The following KLHL1 variants were observed in gnomAD, a reference collection of about 807,000 sequenced individuals.
KLHL1 encodes kelch-like protein 1.
KLHL1 carries 47 observed loss-of-function variants against 77.7 expected under a neutral mutation model. The ratio of observed to expected loss-of-function variants is 0.60; its 90% CI spans 0.48 to 0.77. KLHL1 has a LOEUF of 0.77. Among genes scored for constraint, KLHL1 ranks in the 30% least tolerant of loss-of-function variants. The pLI, the probability that KLHL1 is intolerant of heterozygous loss-of-function variation, is 0.00. For synonymous variants in KLHL1, 360 were observed against 325.2 expected (o/e 1.11, Z -1.15); for missense variants, 925 against 910.8 (o/e 1.02, Z -0.20).
chr13:69,866,049 G>C (rs1291198218), intron 5 of KLHL1, among the ~76,000 whole-genome samples: 2 of 152,008 alleles, frequency 1.3e-5, no homozygotes, highest in Admixed American at 1.3e-4. Flanking sequence ...ACTACTCATT[G>C]AAACAAGAGT....
At chr13:69,766,045 C>T (rs1875286409) in intron 7 of KLHL1, among the ~76,000 whole-genome samples, 1 of 152,226 alleles carries the variant, frequency 6.6e-6, no homozygotes, top group Non-Finnish European at 1.5e-5. Context: ...TCAGCAATCT[C>T]TATTACATGT....
chr13:70,061,137 T>A lies in KLHL1; in HGVS notation c.497+46066A>T, dbSNP rs945420298. ...TATCTCCATCCCCACCTCTATGGTATATTCTCTACTCACTTAATGTTTTAA... is the reference window on the plus strand; with the variant it reads ...TATCTCCATCCCCACCTCTATGGTAAATTCTCTACTCACTTAATGTTTTAA... On this transcript the variant is annotated intron_variant, in intron 1 of 10. Coordinates refer to ENST00000377844, the MANE Select transcript of KLHL1 (RefSeq NM_020866.3). Among the ~76,000 whole-genome samples the A allele has an allele frequency of 2.0e-5, 3 of 152,124 alleles. No individual in the cohort carries two copies. The South Asian group carries it at 6.2e-4, about 31-fold the overall frequency.
At chr13:69,874,039 T>A (rs1469350261) in intron 5 of KLHL1, among the ~76,000 whole-genome samples, 2 of 152,076 alleles carry the variant, frequency 1.3e-5, no homozygotes, top group Non-Finnish European at 2.9e-5. Flanking sequence ...GCAATCTCAA[T>A]TGAGGGGTGG....
intron 8 of KLHL1, among the ~76,000 whole-genome samples, chr13:69,738,766 C>T (rs1366414688): frequency 5.3e-5 from 8 of 152,048 alleles, no homozygotes; most frequent in Non-Finnish European, 1.0e-4. Flanking sequence ...AAGACCAAAC[C>T]TACATCTGAT....
At chr13:69,773,877 A>G (rs1375842004) in intron 7 of KLHL1, among the ~76,000 whole-genome samples, 7 of 151,314 alleles carry the variant, frequency 4.6e-5, no homozygotes, top group Non-Finnish European at 1.0e-4. Flanking sequence ...ATATATATAT[A>G]TATATACATA....
intron 1 of KLHL1, among the ~76,000 whole-genome samples, chr13:70,027,858 C>T (rs1027799851): frequency 9.2e-5 from 14 of 151,922 alleles, no homozygotes; most frequent in African/African-American, 3.1e-4. Flanking sequence ...TGGAGCCACT[C>T]CATGCACAGT....
At chr13:69,832,732 C>A (rs1170622135) in intron 6 of KLHL1, among the ~76,000 whole-genome samples, 1 of 152,038 alleles carries the variant, frequency 6.6e-6, no homozygotes, top group African/African-American at 2.4e-5. Flanking sequence ...GCCACCAAAA[C>A]AGCATGGTAC....
chr13:69,846,816 T>TCG (rs1188643498), intron 5 of KLHL1, among the ~76,000 whole-genome samples: 1 of 150,952 alleles, frequency 6.6e-6, no homozygotes, highest in African/African-American at 2.4e-5. Flanking sequence ...ATTGCAGCTT[T>TCG]CCAAGAGTAT....
intron 4 of KLHL1, among the ~76,000 whole-genome samples, chr13:69,930,319 T>A (rs1700878253): frequency 6.6e-6 from 1 of 151,862 alleles, no homozygotes; most frequent in Admixed American, 6.6e-5. Context: ...ATTCTAAATG[T>A]TCTAGTAAAA....
At position 69,896,108 on chromosome 13, in the gene KLHL1, A is replaced by T. The variant is rs542083081; in HGVS notation, c.1015-13613T>A. Reference sequence around the variant, plus strand: ...CTTTTTCTTGGTGGCCGTTGCCTGGAGGTCACTCAGCTTTTAGACACTTCT... The same window carrying T: ...CTTTTTCTTGGTGGCCGTTGCCTGGTGGTCACTCAGCTTTTAGACACTTCT... On this transcript the variant is annotated intron_variant, in intron 4 of 10. Transcript: ENST00000377844. Among the ~76,000 whole-genome samples the T allele has an allele frequency of 4.6e-5, 7 of 151,928 alleles. No individual in the cohort carries two copies. In the South Asian group the frequency reaches 1.5e-3, roughly 32 times the overall value.
Position 69,961,409 on chromosome 13 carries a change from G to T in KLHL1, c.716C>A (p.Ala239Asp). ...TTCACAAACATCACTTGTAAACATG[G>T]CCGCAAAATAGTCGGAGACTGAACT... ...VLSSVSDYFAAMFTSDVCEAK... is the reference protein window; with the variant it reads ...VLSSVSDYFADMFTSDVCEAK... The change falls in exon 3 of 11, where the codon GCC becomes GAC. Residue 239 changes from alanine to aspartate, a missense_variant. Coordinates refer to ENST00000377844, the MANE Select transcript of KLHL1 (RefSeq NM_020866.3). 1.2e-6 allele frequency: 2 copies of T among 1,612,928 alleles called. No individual in the cohort carries two copies. The highest frequency in any genetic ancestry group is 1.7e-6 in the Non-Finnish European group (2 of 1,179,340).
At chr13:69,748,546 T>TA (rs1484654569) in intron 7 of KLHL1, among the ~76,000 whole-genome samples, 1 of 151,844 alleles carries the variant, frequency 6.6e-6, no homozygotes, top group Non-Finnish European at 1.5e-5. Flanking sequence ...ATGTGAGAAT[T>TA]ATGGGAGTAT....
chr13:69,794,720 AT>A (rs1003371501), intron 7 of KLHL1, among the ~76,000 whole-genome samples: 4 of 152,142 alleles, frequency 2.6e-5, no homozygotes, highest in Non-Finnish European at 5.9e-5. Flanking sequence ...AGCAATTATA[AT>A]GAATTACCAA....
chr13:69,881,722 G>A lies in KLHL1; in HGVS notation c.1227+561C>T, dbSNP rs561553112. Among the ~76,000 whole-genome samples, 5 of 151,822 alleles carry A rather than the reference G, an allele frequency of 3.3e-5. No homozygotes were observed. In the South Asian group the frequency reaches 1.0e-3, roughly 31 times the overall value. On this transcript the variant is annotated intron_variant, in intron 5 of 10. Transcript: ENST00000377844. ...TCGATAAAGTTAAGTTGGCTCACTT[G>A]GTGTCTAGAGGCTTCTTAACTCCAA...
intron 1 of KLHL1, among the ~76,000 whole-genome samples, chr13:70,021,902 C>T (rs962967842): frequency 2.6e-5 from 4 of 151,940 alleles, no homozygotes; most frequent in African/African-American, 4.8e-5. Flanking sequence ...TGTCCTTTAT[C>T]TAATATGTCT....
At chr13:69,750,986 T>C (rs542163111) in intron 7 of KLHL1, among the ~76,000 whole-genome samples, 1 of 152,138 alleles carries the variant, frequency 6.6e-6, no homozygotes, top group South Asian at 2.1e-4. Flanking sequence ...TTTATGTACA[T>C]TCACAATTGA....
At chr13:69,780,717 T>TATATATATAC (rs1566243805) in intron 7 of KLHL1, among the ~76,000 whole-genome samples, 12 of 35,478 alleles carry the variant, frequency 3.4e-4, no homozygotes, top group South Asian at 7.9e-4. Context: ...TATATATATG[T>TATATATATAC]ATATATATAT....
chr13:69,786,580 C>T (rs1030571701), intron 7 of KLHL1, among the ~76,000 whole-genome samples: 11 of 152,122 alleles, frequency 7.2e-5, no homozygotes, highest in East Asian at 1.9e-4. Context: ...GGAAGCATTC[C>T]GTTTGAAAAC....
At chr13:70,011,056 G>C in intron 1 of KLHL1, among the ~76,000 whole-genome samples, 1 of 152,088 alleles carries the variant, frequency 6.6e-6, no homozygotes, top group East Asian at 1.9e-4. Context: ...GTTATTGACA[G>C]TATTTAAGCT....
Sources: allele counts gnomAD v4.1 joint callset (sites outside exome capture counted in the v4.1 genomes callset), GRCh38; gene constraint gnomAD v4.1.1; transcripts MANE v1.5; gene names NCBI Gene and HGNC (gene_info 2026-07-23, HGNC 2026-07-21).